SLC5A10: variants seen among roughly 807,000 people sequenced by gnomAD.
The protein encoded by SLC5A10 is sodium/mannose cotransporter SLC5A10.
Under a neutral mutation model 68.9 loss-of-function variants are expected in SLC5A10, and 55 were observed. That is an observed-to-expected ratio of 0.80 (90% CI 0.64 to 1.00). The LOEUF (loss-of-function observed/expected upper bound fraction) is 1.00. SLC5A10 is among the 50% of genes least tolerant of loss of function. The pLI, the probability that SLC5A10 is intolerant of heterozygous loss-of-function variation, is 0.00. For missense variants in SLC5A10, 732 were observed against 819.3 expected, an observed-to-expected ratio of 0.89 and a Z score of 1.30; for synonymous variants, 344 against 344.8, an observed-to-expected ratio of 1.00 and a Z score of 0.02.
rs2043826619 is a variant in SLC5A10 at position 19,004,543 on chromosome 17, C to T, written c.983-8867C>T. On this transcript the variant is annotated intron_variant, in intron 9 of 14. Transcript: ENST00000395645. This position sits in a 1 kb window ranked among gnomAD's most constrained non-coding sequence, Gnocchi z 5.4. ...AGGCGCCCCGCAAACCGAGGGCTTC[C>T]GGGTAAGGGAGGGGTCTTAAAATTT... Among the ~76,000 whole-genome samples the T allele has an allele frequency of 2.6e-5, 4 of 152,024 alleles. No individual in the cohort carries two copies. Among genetic ancestry groups the T allele is most frequent in the South Asian group, 2.1e-4 (1 of 4,828 alleles).
chr17:18,980,854 T>A (rs908599783), intron 9 of SLC5A10, among the ~76,000 whole-genome samples: 1 of 152,090 alleles, frequency 6.6e-6, no homozygotes, highest in African/African-American at 2.4e-5. Flanking sequence ...GCAGGGAATC[T>A]CAGTTTTAAC....
At chr17:18,974,126 C>T (rs1018347050) in intron 8 of SLC5A10, among the ~76,000 whole-genome samples, 11 of 151,966 alleles carry the variant, frequency 7.2e-5, no homozygotes, top group African/African-American at 2.7e-4. Context: ...CTCCTGACCT[C>T]GTGATCCGCC....
In SLC5A10 at chr17:18,968,926, G is replaced by T. The variant is rs2042767415; in HGVS notation, c.454-126G>T. On this transcript the variant is annotated intron_variant, in intron 5 of 14. Transcript: ENST00000395645. The surrounding 1 kb of genome is among the most constrained non-coding windows in gnomAD (Gnocchi z 4.1). ...CCGTGATGCAGGCAGGCAGGCGAGT[G>T]GGGGTCTCCCCTCCTTATCCACAGG... The T allele has an allele frequency of 1.1e-5, 9 of 790,358 alleles. No homozygotes were observed. The highest frequency in any genetic ancestry group is 1.8e-5 in the Non-Finnish European group (9 of 509,402). 49.0% of individuals were successfully genotyped at this position (790,358 alleles called of 1,614,324 possible).
Position 19,021,831 on chromosome 17 carries a change from AG to A in SLC5A10, c.*1401del. ...TGCAGAGCGGCCGGAGGCAGTTAGG[AG>A]CCCACGTTCAGTCCAAGGCCGTCCA... On this transcript the variant is annotated 3_prime_UTR_variant, in exon 15 of 15. Transcript: ENST00000395645. The surrounding 1 kb of genome is among the most constrained non-coding windows in gnomAD (Gnocchi z 4.1). 1.0e-6 allele frequency: 1 copy of A among 954,222 alleles called. No individual in the cohort carries two copies. The allele number at this position is 954,222 out of a possible 1,614,324, so 59.1% of individuals were successfully genotyped here.
Position 19,003,615 on chromosome 17 carries a change from C to T in SLC5A10, c.983-9795C>T. The stretch of plus-strand genomic sequence containing the variant: ...ATGTAGACGCTAGCCCGGGTCACGC[C>T]GCGGTAGGCGATGGTGTCGGGCCAG... On this transcript the variant is annotated intron_variant, in intron 9 of 14. Transcript: ENST00000395645. This position sits in a 1 kb window ranked among gnomAD's most constrained non-coding sequence, Gnocchi z 4.5. 3 of 1,611,900 alleles carry T rather than the reference C, an allele frequency of 1.9e-6. No individual in the cohort carries two copies. The highest frequency in any genetic ancestry group is 2.5e-6 in the Non-Finnish European group (3 of 1,179,276).
chr17:19,007,429 C>T (rs2043917046), intron 9 of SLC5A10, among the ~76,000 whole-genome samples: 1 of 151,964 alleles, frequency 6.6e-6, no homozygotes, highest in Admixed American at 6.6e-5. Context: ...TAGAGATAGG[C>T]TCTTGCTCTG....
At chr17:18,965,790 G>C (rs186103967) in intron 5 of SLC5A10, among the ~76,000 whole-genome samples, 619 of 152,302 alleles carry the variant, frequency 4.1e-3, no homozygotes, top group Non-Finnish European at 6.1e-3. Flanking sequence ...CTCTCTGGGA[G>C]GTCCCCTGCC....
upstream of SLC5A10, chr17:18,952,047 T>C: frequency 1.6e-6 from 2 of 1,247,644 alleles, no homozygotes; most frequent in Non-Finnish European, 1.1e-6. Context: ...CTGAACTGCA[T>C]GGTGAGGCAG....
rs1463172707 is a variant in SLC5A10, at chr17:18,968,520, C to T, written c.454-532C>T. Among the ~76,000 whole-genome samples the T allele has an allele frequency of 1.3e-5, 2 of 152,208 alleles. No homozygotes were observed. The highest frequency in any genetic ancestry group is 2.9e-5 in the Non-Finnish European group (2 of 68,038). Reference sequence around the variant, plus strand: ...CAGTCAGTGTGGAGACCAGCTTCAGCCTGAGACCCAGCCTCTGAGCCACTA... The same window carrying T: ...CAGTCAGTGTGGAGACCAGCTTCAGTCTGAGACCCAGCCTCTGAGCCACTA... On this transcript the variant is annotated intron_variant, in intron 5 of 14. Coordinates refer to ENST00000395645, the MANE Select transcript of SLC5A10 (RefSeq NM_001042450.4). This position sits in a 1 kb window ranked among gnomAD's most constrained non-coding sequence, Gnocchi z 4.1.
intron 9 of SLC5A10, among the ~76,000 whole-genome samples, chr17:18,987,607 A>G (rs1043866142): frequency 1.8e-4 from 27 of 152,212 alleles, no homozygotes; most frequent in Non-Finnish European, 3.8e-4. Flanking sequence ...AACAGTGCTG[A>G]GAACCACAGC....
Position 19,017,281 on chromosome 17 carries a change from C to T in SLC5A10, c.1241+2082C>T. 1 of 1,551,968 alleles carries T rather than the reference C, an allele frequency of 6.4e-7. No homozygotes were observed. Among genetic ancestry groups the T allele is most frequent in the Non-Finnish European group, 8.7e-7 (1 of 1,146,920 alleles). ...CCAGCTCAACTTCCCGTCCCTCTTACAGCACTGGGATACCCTCAACACCCC... is the reference window on the plus strand; with the variant it reads ...CCAGCTCAACTTCCCGTCCCTCTTATAGCACTGGGATACCCTCAACACCCC... On this transcript the variant is annotated intron_variant, in intron 11 of 14. Transcript: ENST00000395645. The surrounding 1 kb of genome is among the most constrained non-coding windows in gnomAD (Gnocchi z 5.6).
Position 18,977,007 on chromosome 17 carries a change from C to T in SLC5A10, c.982+18C>T. 3 of 1,609,730 alleles carry T rather than the reference C, an allele frequency of 1.9e-6. No individual in the cohort carries two copies. The highest frequency in any genetic ancestry group is 1.7e-4 in the Middle Eastern group (1 of 6,050). On this transcript the variant is annotated intron_variant, in intron 9 of 14. Coordinates refer to ENST00000395645, the MANE Select transcript of SLC5A10 (RefSeq NM_001042450.4). The stretch of plus-strand genomic sequence containing the variant: ...GTTCCCAGGTAGGACGGGCTCCGGG[C>T]ACTGAACCCAGGCTGCAGGGCACCC...
intron 9 of SLC5A10, chr17:18,978,251 G>A: frequency 6.2e-7 from 1 of 1,602,834 alleles, no homozygotes; most frequent in Non-Finnish European, 8.5e-7. Context: ...GCAAGGCTCT[G>A]GACGGGGCCT....
intron 7 of SLC5A10, chr17:18,970,039 C>T (rs1205708333): frequency 1.3e-5 from 2 of 152,264 alleles, no homozygotes; most frequent in East Asian, 3.9e-4. Flanking sequence ...ACACTGGGAC[C>T]CTGTGGCTGA....
At chr17:18,985,862 G>A (rs2043256857) in intron 9 of SLC5A10, among the ~76,000 whole-genome samples, 1 of 152,178 alleles carries the variant, frequency 6.6e-6, no homozygotes, top group Non-Finnish European at 1.5e-5. Context: ...AAGGGCTGGG[G>A]GTGGAACAGG....
chr17:18,951,172 G>A (rs913523096), upstream of SLC5A10, among the ~76,000 whole-genome samples: 6 of 152,244 alleles, frequency 3.9e-5, no homozygotes, highest in African/African-American at 9.6e-5. Flanking sequence ...GCAAAGTCAC[G>A]AGTCATGTCA....
At chr17:19,005,968 G>A (rs2043876986) in intron 9 of SLC5A10, among the ~76,000 whole-genome samples, 1 of 152,172 alleles carries the variant, frequency 6.6e-6, no homozygotes, top group Non-Finnish European at 1.5e-5. Context: ...CTGCTACTGT[G>A]GATCCCCTGT....
chr17:18,963,580 G>C (rs923343671), intron 5 of SLC5A10, among the ~76,000 whole-genome samples: 2 of 152,252 alleles, frequency 1.3e-5, no homozygotes, highest in Non-Finnish European at 2.9e-5. Flanking sequence ...TGAAGTGCAC[G>C]CGCCCAGGCG....
chr17:18,959,124 C>G lies in SLC5A10; in HGVS notation c.184-11C>G. 6.2e-7 allele frequency: 1 copy of G among 1,606,092 alleles called. No individual in the cohort carries two copies. The highest frequency in any genetic ancestry group is 8.5e-7 in the Non-Finnish European group (1 of 1,173,846). On this transcript the variant is annotated splice_polypyrimidine_tract_variant and intron_variant, in intron 2 of 14. Transcript: ENST00000395645. The stretch of plus-strand genomic sequence containing the variant: ...GCCTGCTGCTGATGCGTTTCCCTTT[C>G]TCTCCTCCAGATTGGAGCCTCCCTC...
Sources: gnomAD v4.1 joint callset for allele counts (sites outside exome capture counted in the v4.1 genomes callset) on GRCh38, gnomAD v4.1.1 for gene constraint, Gnocchi (gnomAD v3.1) non-coding constraint, MANE v1.5 for transcripts, NCBI Gene and HGNC (gene_info 2026-07-23, HGNC 2026-07-21) for gene names.